The following ANKRD30B variants were observed in gnomAD, a reference collection of about 807,000 sequenced individuals.
ANKRD30B encodes ankyrin repeat domain 30B, also known as ankyrin repeat domain-containing protein 30B.
Under a neutral mutation model 202.2 loss-of-function variants are expected in ANKRD30B, and 144 were observed. The observed-to-expected ratio is 0.71, with a 90% CI of 0.62 to 0.82. The LOEUF is 0.82. ANKRD30B is among the 40% of genes least tolerant of loss of function. ANKRD30B has a pLI of 0.00. For missense variants in ANKRD30B, 1,487 were observed against 1,669.1 expected (o/e 0.89, Z 1.90); for synonymous variants, 508 against 561.3 (o/e 0.91, Z 1.34).
At chr18:14,933,967 C>T in the ANKRD30B span, among the ~76,000 whole-genome samples, 24 of 152,338 alleles carry the variant, frequency 1.6e-4, no homozygotes, top group African/African-American at 5.3e-4. Context: ...CTTCTCTAAA[C>T]GATGTCTCAG....
At chr18:14,866,789 C>T in the ANKRD30B span, among the ~76,000 whole-genome samples, 2,233 of 151,800 alleles carry the variant, frequency 0.015, 61 homozygotes, top group African/African-American at 0.052. Flanking sequence ...AGGTTCACTG[C>T]GCTATCAGGG....
chr18:14,894,946 G>A, the ANKRD30B span, among the ~76,000 whole-genome samples: 1 of 151,320 alleles, frequency 6.6e-6, no homozygotes, highest in African/African-American at 2.4e-5. Context: ...GGGCAAATAA[G>A]CAGATGAAAA....
At chr18:14,832,743 A>G (rs1177100990) in intron 34 of ANKRD30B, among the ~76,000 whole-genome samples, 2 of 152,200 alleles carry the variant, frequency 1.3e-5, no homozygotes, top group Non-Finnish European at 2.9e-5. Context: ...TTAAATTTAT[A>G]TTTTCTTTTA....
intron 14 of ANKRD30B, among the ~76,000 whole-genome samples, chr18:14,786,076 T>C (rs1458778045): frequency 7.7e-6 from 1 of 129,044 alleles, no homozygotes; most frequent in Non-Finnish European, 1.6e-5. Flanking sequence ...AAAAAACAGG[T>C]AGAGAGTTGA....
intron 26 of ANKRD30B, 109 bp from the exon 27 acceptor site, chr18:14,809,877 C>T (rs1969806833): frequency 1.8e-6 from 2 of 1,107,318 alleles, no homozygotes; most frequent in Non-Finnish European, 2.7e-6. Context: ...AGTGTAATCC[C>T]TTTTCAATCC....
chr18:14,797,569 G>A, intron 18 of ANKRD30B, 92 bp from the exon 19 acceptor site: 1 of 1,376,688 alleles, frequency 7.3e-7, no homozygotes, highest in Non-Finnish European at 1.0e-6. Context: ...ATCCAAGCAT[G>A]AGGATTCATC....
At chr18:14,806,397 C>T (rs1301826152) in intron 24 of ANKRD30B, among the ~76,000 whole-genome samples, 1 of 150,858 alleles carries the variant, frequency 6.6e-6, no homozygotes, top group Non-Finnish European at 1.5e-5. Context: ...AATTAAAATG[C>T]AAGGATGCAC....
At chr18:14,885,675 ACT>A in the ANKRD30B span, among the ~76,000 whole-genome samples, 1 of 151,588 alleles carries the variant, frequency 6.6e-6, no homozygotes, top group Non-Finnish European at 1.5e-5. Context: ...AGAAGAGCAA[ACT>A]CTATGAGATA....
chr18:14,933,171 G>C, the ANKRD30B span, among the ~76,000 whole-genome samples: 1 of 152,310 alleles, frequency 6.6e-6, no homozygotes, highest in African/African-American at 2.4e-5. Context: ...ATTTTCTCCA[G>C]GTCTTACCAG....
the ANKRD30B span, among the ~76,000 whole-genome samples, chr18:14,912,387 G>A: frequency 1.3e-5 from 2 of 152,122 alleles, no homozygotes; most frequent in Non-Finnish European, 2.9e-5. Flanking sequence ...TATAGTTTTT[G>A]TTCTTAATTC....
chr18:14,838,533 G>T (rs1168721737), intron 36 of ANKRD30B, among the ~76,000 whole-genome samples: 1 of 152,016 alleles, frequency 6.6e-6, no homozygotes, highest in Non-Finnish European at 1.5e-5. Context: ...TTCACAAATA[G>T]AACTCTTTGA....
chr18:14,933,667 C>T, the ANKRD30B span, among the ~76,000 whole-genome samples: 21 of 151,876 alleles, frequency 1.4e-4, no homozygotes, highest in African/African-American at 4.6e-4. Context: ...TGCGTGCAAG[C>T]GGGTGTGCTT....
intron 5 of ANKRD30B, chr18:14,759,160 C>T (rs1914860162): frequency 6.6e-6 from 1 of 152,210 alleles, no homozygotes; most frequent in Non-Finnish European, 1.5e-5. Flanking sequence ...CATCACTGAT[C>T]AGTCTTCACA....
intron 40 of ANKRD30B, among the ~76,000 whole-genome samples, 161 bp downstream of exon 40, chr18:14,849,090 G>T (rs1395941783): frequency 6.6e-6 from 1 of 151,836 alleles, no homozygotes; most frequent in African/African-American, 2.4e-5. Flanking sequence ...TCTTAAATGT[G>T]AATACTTCCA....
chr18:14,809,235 G>A (rs1166547492), intron 26 of ANKRD30B, among the ~76,000 whole-genome samples: 1 of 150,970 alleles, frequency 6.6e-6, no homozygotes, highest in African/African-American at 2.4e-5. Flanking sequence ...ACATCTGTAT[G>A]CAGAAATACA....
chr18:14,751,298 C>T (rs554691001), intron 1 of ANKRD30B, among the ~76,000 whole-genome samples: 1 of 152,154 alleles, frequency 6.6e-6, no homozygotes, highest in African/African-American at 2.4e-5. Context: ...TACTTCCCAA[C>T]TGTATTTATC....
At position 14,797,858 on chromosome 18, in the gene ANKRD30B, C is replaced by T. The variant is rs71364866; in HGVS notation, c.2029+4C>T. ...GACAGAGAAACACTCAAAGCAGGTA[C>T]ATTTTGTAATTTAAATTTTAATCTG... On this transcript the variant is annotated splice_donor_region_variant and intron_variant, in intron 20 of 43. Coordinates refer to ENST00000690538, the MANE Select transcript of ANKRD30B (RefSeq NM_001367607.2). 325 of 1,541,344 alleles carry T rather than the reference C, an allele frequency of 2.1e-4. 1 individual carries two copies. Among genetic ancestry groups the T allele is most frequent in the South Asian group, 1.6e-3 (134 of 81,870 alleles).
At position 14,808,560 on chromosome 18, in the gene ANKRD30B, A is replaced by T. The variant is rs746608125; in HGVS notation, c.2294A>T (p.Asp765Val). The change falls in exon 25 of 44, where the codon GAT becomes GTT. Residue 765 changes from aspartate to valine, a missense_variant. By Grantham distance (152) the Asp-to-Val change is radical. Around this residue, in one of 6 missense-constraint regions of ANKRD30B, gnomAD observed 218 missense variants for 320.1 expected, o/e 0.68. Transcript: ENST00000690538. ...TLSGKLEESPDKDGLLKPTCG... is the reference protein window; with the variant it reads ...TLSGKLEESPVKDGLLKPTCG... ...GTCCCTTTTCTTTTAGAGTCTCCTG[A>T]TAAAGATGGTCTTCTGAAGGTAATT... 22 of 1,525,576 alleles carry T rather than the reference A, an allele frequency of 1.4e-5. 1 individual carries two copies. The highest frequency in any genetic ancestry group is 8.5e-5 in the Admixed American group (5 of 59,072). 94.5% of individuals were successfully genotyped at this position (1,525,576 alleles called of 1,614,324 possible). A position where few individuals can be genotyped will look rare whatever the true frequency, so the allele number is the denominator to read the frequency against.
At chr18:14,830,640 G>T (rs1205022614) in intron 33 of ANKRD30B, among the ~76,000 whole-genome samples, 2 of 152,110 alleles carry the variant, frequency 1.3e-5, no homozygotes, top group African/African-American at 4.8e-5. Context: ...ATGGATAAGG[G>T]ACAAGGTAAC....
Sources: allele counts gnomAD v4.1 joint callset (sites outside exome capture counted in the v4.1 genomes callset), GRCh38; gene constraint gnomAD v4.1.1; regional missense constraint gnomAD v4.1.1; transcripts MANE v1.5; gene names NCBI Gene and HGNC (gene_info 2026-07-23, HGNC 2026-07-21).